MAGI2: variants seen among roughly 807,000 people sequenced by gnomAD.
MAGI2 encodes the protein membrane-associated guanylate kinase, WW and PDZ domain-containing protein 2.
MAGI2 carries 35 observed loss-of-function variants against 133.3 expected under a neutral mutation model. That is an observed-to-expected ratio of 0.26 (90% CI 0.20 to 0.35). The LOEUF (loss-of-function observed/expected upper bound fraction) is 0.35. Ranked by LOEUF, MAGI2 falls within the 10% of genes least tolerant of loss-of-function variation. The pLI, the probability that MAGI2 is intolerant of heterozygous loss-of-function variation, is 1.00. For missense variants in MAGI2, 1,636 were observed against 1,863.4 expected, an observed-to-expected ratio of 0.88 and a Z score of 2.25; for synonymous variants, 729 against 710.6, an observed-to-expected ratio of 1.03 and a Z score of -0.41.
intron 6 of MAGI2, among the ~76,000 whole-genome samples, chr7:78,394,815 T>A (rs1796197364): frequency 6.6e-6 from 1 of 152,196 alleles, no homozygotes; most frequent in African/African-American, 2.4e-5. Context: ...CAGGCTTTAC[T>A]CTAAGTACAT....
chr7:79,407,355 T>C (rs1455754282), intron 1 of MAGI2, among the ~76,000 whole-genome samples: 1 of 152,156 alleles, frequency 6.6e-6, no homozygotes, highest in Non-Finnish European at 1.5e-5. Flanking sequence ...CTGAAAGATA[T>C]ATTATCTCAG....
chr7:78,262,207 T>C (rs1793580089), intron 9 of MAGI2, among the ~76,000 whole-genome samples: 1 of 152,148 alleles, frequency 6.6e-6, no homozygotes, highest in Non-Finnish European at 1.5e-5. Context: ...CATCAAATTA[T>C]GTATTAATAG....
chr7:79,163,007 CA>C lies in MAGI2; in HGVS notation c.302-155802del, dbSNP rs199506887. ...GTCCCTCTGCCATAGGGAGTCCTGC[CA>C]AGGGACAAAAAACAAAACAAAACAA... On this transcript the variant is annotated intron_variant, in intron 1 of 21. Coordinates refer to ENST00000354212, the MANE Select transcript of MAGI2 (RefSeq NM_012301.4). Among the ~76,000 whole-genome samples the C allele has an allele frequency of 7.2e-5, 11 of 151,890 alleles. No individual in the cohort carries two copies. In the East Asian group the frequency reaches 2.1e-3, roughly 30 times the overall value.
At chr7:79,383,998 C>A (rs1021404804) in intron 1 of MAGI2, among the ~76,000 whole-genome samples, 1 of 151,326 alleles carries the variant, frequency 6.6e-6, no homozygotes, top group Non-Finnish European at 1.5e-5. Context: ...TATATCAGTA[C>A]ATAAGTTATG....
chr7:78,822,651 T>C (rs1300210612), intron 2 of MAGI2, among the ~76,000 whole-genome samples: 2 of 152,242 alleles, frequency 1.3e-5, no homozygotes, highest in African/African-American at 2.4e-5. Context: ...AAAAATACAA[T>C]GACAATATAA....
At chr7:79,179,830 A>G (rs1172189307) in intron 1 of MAGI2, among the ~76,000 whole-genome samples, 3 of 152,038 alleles carry the variant, frequency 2.0e-5, no homozygotes, top group Non-Finnish European at 4.4e-5. Context: ...AACTGGAAAA[A>G]AATCAGTGAA....
chr7:78,790,063 T>C (rs548048860), intron 2 of MAGI2, among the ~76,000 whole-genome samples: 2 of 152,306 alleles, frequency 1.3e-5, no homozygotes, highest in East Asian at 3.9e-4. Flanking sequence ...CAATTGATTG[T>C]TAGATAATTT....
At chr7:78,304,166 T>C (rs1043029952) in intron 9 of MAGI2, among the ~76,000 whole-genome samples, 6 of 152,200 alleles carry the variant, frequency 3.9e-5, no homozygotes, top group African/African-American at 1.4e-4. Context: ...CAATCTAAAG[T>C]ACTTGGACTA....
chr7:78,375,833 T>G (rs1040900547), intron 6 of MAGI2, among the ~76,000 whole-genome samples: 1 of 152,166 alleles, frequency 6.6e-6, no homozygotes, highest in Non-Finnish European at 1.5e-5. Context: ...TAGTTGGTCT[T>G]TAGGAGTTTG....
At chr7:79,399,110 T>TGGG (rs1228846004) in intron 1 of MAGI2, among the ~76,000 whole-genome samples, 60 of 146,288 alleles carry the variant, frequency 4.1e-4, no homozygotes, top group East Asian at 2.5e-3. Context: ...TTTTTTTTTT[T>TGGG]GGGAGATGGA....
At chr7:78,857,513 T>C (rs186528864) in intron 2 of MAGI2, among the ~76,000 whole-genome samples, 10 of 152,332 alleles carry the variant, frequency 6.6e-5, no homozygotes, top group African/African-American at 2.4e-4. Context: ...GAGATAATCA[T>C]GTGGTTTTTG....
intron 7 of MAGI2, chr7:78,358,857 C>T (rs114990878): frequency 0.015 from 2,442 of 162,972 alleles, 54 homozygotes; most frequent in African/African-American, 0.055. Context: ...GTCCTAAGAC[C>T]GAGGGACTCC....
At chr7:78,206,806 T>A (rs6949051) in intron 10 of MAGI2, among the ~76,000 whole-genome samples, 147,545 of 152,348 alleles carry the variant, frequency 0.97, 71,630 homozygotes, top group East Asian at 1. Context: ...AGTTACTAAA[T>A]ATGATGGAGA....
intron 11 of MAGI2, among the ~76,000 whole-genome samples, chr7:78,195,625 G>A (rs900900253): frequency 3.3e-5 from 5 of 152,118 alleles, no homozygotes; most frequent in African/African-American, 9.7e-5. Flanking sequence ...AAGTCTTCTA[G>A]GAAGCCTCAT....
chr7:78,195,185 T>C (rs1828610313), intron 11 of MAGI2, 122 bp from the exon 12 acceptor site: 3 of 688,894 alleles, frequency 4.4e-6, no homozygotes, highest in Non-Finnish European at 2.3e-6. Flanking sequence ...GGTAAAACTT[T>C]GGCATAAATT....
chr7:78,588,198 T>C (rs1803619587), intron 3 of MAGI2, among the ~76,000 whole-genome samples: 1 of 152,220 alleles, frequency 6.6e-6, no homozygotes, highest in Non-Finnish European at 1.5e-5. Flanking sequence ...CGACACTTTA[T>C]CATCTTTGTT....
chr7:78,535,757 G>A (rs1166637845), intron 3 of MAGI2, among the ~76,000 whole-genome samples: 1 of 152,080 alleles, frequency 6.6e-6, no homozygotes. Context: ...TATGGTTAAA[G>A]AGTCACCGTT....
chr7:79,368,495 T>A (rs1037088294), intron 1 of MAGI2, among the ~76,000 whole-genome samples: 1 of 152,142 alleles, frequency 6.6e-6, no homozygotes, highest in Non-Finnish European at 1.5e-5. Context: ...TTCAGAAGAC[T>A]AGGGAAAAAA....
chr7:78,063,526 G>A (rs1813501341), intron 21 of MAGI2, among the ~76,000 whole-genome samples: 1 of 152,196 alleles, frequency 6.6e-6, no homozygotes, highest in African/African-American at 2.4e-5. Flanking sequence ...ACAGCTGTGA[G>A]CCACCGTGCC....
Sources: allele counts gnomAD v4.1 joint callset (sites outside exome capture counted in the v4.1 genomes callset), GRCh38; gene constraint gnomAD v4.1.1; transcripts MANE v1.5; gene names NCBI Gene and HGNC (gene_info 2026-07-23, HGNC 2026-07-21).